The following PACRG variants were observed in gnomAD, a reference collection of about 807,000 sequenced individuals.
The protein encoded by PACRG is parkin coregulated gene protein.
A neutral mutation model predicts 29.7 loss-of-function variants in PACRG; 29 were observed. The observed-to-expected ratio is 0.98, with a 90% CI of 0.73 to 1.33. PACRG has a LOEUF of 1.33. Among genes scored for constraint, PACRG ranks in the 40% most tolerant of loss-of-function variants. The pLI is 0.00. For synonymous variants in PACRG, 116 were observed against 118.7 expected, an observed-to-expected ratio of 0.98 and a Z score of 0.15; for missense variants, 279 against 316.2, an observed-to-expected ratio of 0.88 and a Z score of 0.89.
At chr6:163,163,093 T>C (rs531554074) in intron 4 of PACRG, among the ~76,000 whole-genome samples, 1 of 152,324 alleles carries the variant, frequency 6.6e-6, no homozygotes, top group South Asian at 2.1e-4. Flanking sequence ...TGGGAGGGAC[T>C]GCAGGAAATC....
chr6:163,259,832 G>T (rs1783253942), intron 4 of PACRG, among the ~76,000 whole-genome samples: 1 of 152,140 alleles, frequency 6.6e-6, no homozygotes, highest in South Asian at 2.1e-4. Context: ...AGGACTATAG[G>T]AGACCTCCCA....
chr6:162,730,408 G>A (rs1779670592), intron 1 of PACRG, among the ~76,000 whole-genome samples: 1 of 151,952 alleles, frequency 6.6e-6, no homozygotes, highest in Non-Finnish European at 1.5e-5. Flanking sequence ...GCAACCTCAT[G>A]CTCCAAGAGC....
intron 4 of PACRG, among the ~76,000 whole-genome samples, chr6:163,156,043 G>T (rs1196030014): frequency 6.6e-6 from 1 of 152,160 alleles, no homozygotes; most frequent in Non-Finnish European, 1.5e-5. Context: ...CCTTCGCAGC[G>T]CTCTCCTGAG....
At chr6:162,797,058 A>G (rs1785439979) in intron 1 of PACRG, among the ~76,000 whole-genome samples, 1 of 152,130 alleles carries the variant, frequency 6.6e-6, no homozygotes, top group African/African-American at 2.4e-5. Context: ...AGGCAGATCA[A>G]CTGAGGTCAG....
At chr6:163,098,871 T>C (rs558627) in intron 4 of PACRG, among the ~76,000 whole-genome samples, 47,949 of 152,088 alleles carry the variant, frequency 0.32, 7,810 homozygotes, top group East Asian at 0.51. Flanking sequence ...CTGATGTTGC[T>C]GTGGCATCTG....
chr6:163,202,453 A>G (rs1164990633), intron 4 of PACRG, among the ~76,000 whole-genome samples: 1 of 152,146 alleles, frequency 6.6e-6, no homozygotes, highest in Non-Finnish European at 1.5e-5. Context: ...ATGAGCATAC[A>G]TATGTATGTG....
chr6:162,743,980 A>G (rs936372115), intron 1 of PACRG, among the ~76,000 whole-genome samples: 1 of 152,138 alleles, frequency 6.6e-6, no homozygotes, highest in Non-Finnish European at 1.5e-5. Flanking sequence ...TGTTCTTGTT[A>G]TTTAAAAGAT....
Position 163,254,526 on chromosome 6 carries a change from G to A in PACRG, c.614-60301G>A, listed in dbSNP as rs146552299. 1.8e-4 allele frequency among the ~76,000 whole-genome samples: 28 copies of A among 152,362 alleles called. No homozygotes were observed. In the East Asian group the frequency reaches 4.8e-3, roughly 26 times the overall value. Reference sequence around the variant, plus strand: ...ACCTGAGCCCTCCCGTCAGCACATAGTCTGGGTTCTTCAGCTCGCGAGTGG... The same window carrying A: ...ACCTGAGCCCTCCCGTCAGCACATAATCTGGGTTCTTCAGCTCGCGAGTGG... On this transcript the variant is annotated intron_variant, in intron 4 of 4. Transcript: ENST00000366888.
At chr6:162,897,883 C>A (rs1369934293) in intron 2 of PACRG, among the ~76,000 whole-genome samples, 1 of 152,134 alleles carries the variant, frequency 6.6e-6, no homozygotes, top group Admixed American at 6.5e-5. Flanking sequence ...CTGCGGGAGG[C>A]AGGGCACTCA....
intron 4 of PACRG, chr6:163,191,976 C>T (rs530986648): frequency 2.1e-4 from 64 of 306,892 alleles, no homozygotes; most frequent in South Asian, 1.2e-3. Context: ...GGGGAAGCAC[C>T]GGGGCAGTTG....
intron 2 of PACRG, among the ~76,000 whole-genome samples, chr6:162,841,845 C>T (rs1341807633): frequency 2.7e-3 from 408 of 151,970 alleles, no homozygotes; most frequent in African/African-American, 6.4e-3. Context: ...GCCTTCATTT[C>T]GTTATGTATC....
intron 2 of PACRG, among the ~76,000 whole-genome samples, chr6:162,904,506 C>G (rs1329006553): frequency 6.6e-6 from 1 of 152,218 alleles, no homozygotes; most frequent in East Asian, 1.9e-4. Flanking sequence ...TTCCTGGATA[C>G]AGCCGTGCTG....
At chr6:163,031,101 A>G (rs1807620892) in intron 2 of PACRG, among the ~76,000 whole-genome samples, 1 of 152,216 alleles carries the variant, frequency 6.6e-6, no homozygotes, top group African/African-American at 2.4e-5. Context: ...GGCAAGGGCC[A>G]TTCATGACTC....
intron 4 of PACRG, among the ~76,000 whole-genome samples, chr6:163,137,808 T>A (rs1258226183): frequency 6.6e-6 from 1 of 152,258 alleles, no homozygotes; most frequent in East Asian, 1.9e-4. Context: ...TGGCAGGAGC[T>A]GGCCCCACAG....
chr6:162,773,854 C>A (rs575355418), intron 1 of PACRG, among the ~76,000 whole-genome samples: 2 of 152,138 alleles, frequency 1.3e-5, no homozygotes, highest in East Asian at 3.9e-4. Flanking sequence ...AAAGACAAAT[C>A]CTGGCTTCTT....
rs534098175 is a variant in PACRG, at chr6:162,865,264, G to T, written c.291+50983G>T. On this transcript the variant is annotated intron_variant, in intron 2 of 4. Transcript: ENST00000366888. ...AAATTGTGGGCTATGTATGCAATCT[G>T]CCTTGGCTCCCATAAAATTAAGAAG... Among the ~76,000 whole-genome samples the T allele has an allele frequency of 1.4e-4, 21 of 152,268 alleles. No homozygotes were observed. The South Asian group carries it at 3.7e-3, about 27-fold the overall frequency.
intron 1 of PACRG, among the ~76,000 whole-genome samples, chr6:162,738,314 G>A (rs1385514674): frequency 5.3e-5 from 8 of 152,196 alleles, no homozygotes; most frequent in African/African-American, 1.9e-4. Flanking sequence ...TGGTTACAGT[G>A]CAGGTTTCTG....
intron 2 of PACRG, among the ~76,000 whole-genome samples, chr6:162,993,942 GA>G (rs1475943873): frequency 2.4e-5 from 2 of 82,128 alleles, no homozygotes; most frequent in Non-Finnish European, 4.4e-5. Flanking sequence ...GCCTGGTGGT[GA>G]CAAAATCTCT....
chr6:162,761,283 C>T (rs953751598), intron 1 of PACRG, among the ~76,000 whole-genome samples: 1 of 152,168 alleles, frequency 6.6e-6, no homozygotes, highest in Non-Finnish European at 1.5e-5. Context: ...AAACAAAATG[C>T]CATCTGTGGT....
Sources: gnomAD v4.1 joint callset for allele counts (sites outside exome capture counted in the v4.1 genomes callset) on GRCh38, gnomAD v4.1.1 for gene constraint, MANE v1.5 for transcripts, NCBI Gene and HGNC (gene_info 2026-07-23, HGNC 2026-07-21) for gene names.